CDK14: variants seen among roughly 807,000 people sequenced by gnomAD.
CDK14 encodes cyclin dependent kinase 14, also known as cyclin-dependent kinase 14.
In CDK14, 34 loss-of-function variants were observed where a neutral mutation model predicts 60.7. The ratio of observed to expected loss-of-function variants is 0.56; its 90% CI spans 0.43 to 0.75. The LOEUF (loss-of-function observed/expected upper bound fraction) is 0.75, where lower values mean the gene tolerates loss of function less well. Ranked by LOEUF, CDK14 falls within the 30% of genes least tolerant of loss-of-function variation. The probability of loss-of-function intolerance (pLI) is 0.00; values close to 1 mark genes in which losing one functional copy is unlikely to be tolerated. For synonymous variants in CDK14, 197 were observed against 203.7 expected, an observed-to-expected ratio of 0.97 and a Z score of 0.28; for missense variants, 482 against 564.1, an observed-to-expected ratio of 0.85 and a Z score of 1.47.
intron 2 of CDK14, among the ~76,000 whole-genome samples, chr7:90,629,684 A>G (rs1374509998): frequency 1.3e-5 from 2 of 152,188 alleles, no homozygotes; most frequent in Non-Finnish European, 2.9e-5. Flanking sequence ...TTGAATGTCC[A>G]TGTTGGAGAT....
At chr7:91,091,685 A>AGAAG (rs138061227) in intron 12 of CDK14, among the ~76,000 whole-genome samples, 61 of 140,354 alleles carry the variant, frequency 4.3e-4, no homozygotes, top group East Asian at 2.5e-3. Context: ...AGAGAAAGGG[A>AGAAG]GAAGGAAGGA....
chr7:90,917,642 C>T lies in CDK14; in HGVS notation c.744C>T (p.His248=), dbSNP rs1252555365. 1.2e-6 allele frequency: 2 copies of T among 1,613,610 alleles called. No individual in the cohort carries two copies. Among genetic ancestry groups the T allele is most frequent in the South Asian group, 1.1e-5 (1 of 91,052 alleles). ...TGCTGCGAGGTCTGTCTTACATCCA[C>T]CAGCGTTATATTTTGCACAGAGACC... ...FQLLRGLSYI[H]QRYILHRDLK... The change falls in exon 8 of 15, where the codon CAC becomes CAT. Residue 248 remains histidine, a synonymous_variant. Coordinates refer to ENST00000380050, the MANE Select transcript of CDK14 (RefSeq NM_001287135.2).
In CDK14 at chr7:90,726,822, G is replaced by A; in HGVS notation, c.369+10G>A. ...CTCCAGCCCCAGCTCGGTAAGTGCA[G>A]TCTTTTTGTTTATCACTGGGTAAAC... On this transcript the variant is annotated intron_variant, in intron 3 of 14. Coordinates refer to ENST00000380050, the MANE Select transcript of CDK14 (RefSeq NM_001287135.2). 1 of 1,612,766 alleles carries A rather than the reference G, an allele frequency of 6.2e-7. No individual in the cohort carries two copies. The highest frequency in any genetic ancestry group is 8.5e-7 in the Non-Finnish European group (1 of 1,179,464).
Position 91,118,337 on chromosome 7 carries a change from T to C in CDK14, c.*28+129T>C, listed in dbSNP as rs771242108. 122 of 532,636 alleles carry C rather than the reference T, an allele frequency of 2.3e-4. 1 individual carries two copies. Among genetic ancestry groups the C allele is most frequent in the Middle Eastern group, 5.7e-4 (2 of 3,508 alleles). 33.0% of individuals were successfully genotyped at this position (532,636 alleles called of 1,614,324 possible). ...TCTCTTGTGTGCATTATGGCATTCATCAGACCTATTGAGATAGAATGCACT... is the reference window on the plus strand; with the variant it reads ...TCTCTTGTGTGCATTATGGCATTCACCAGACCTATTGAGATAGAATGCACT... On this transcript the variant is annotated intron_variant, in intron 14 of 14. Transcript: ENST00000380050.
chr7:91,083,178 T>A (rs1295814692), intron 12 of CDK14, among the ~76,000 whole-genome samples: 1 of 152,192 alleles, frequency 6.6e-6, no homozygotes. Context: ...ATTTATTTAG[T>A]GCCTGGAGAC....
chr7:90,963,140 T>C (rs1213181611), intron 9 of CDK14, among the ~76,000 whole-genome samples: 1 of 149,270 alleles, frequency 6.7e-6, no homozygotes, highest in African/African-American at 2.5e-5. Context: ...TTTAGAAATA[T>C]ATAGGCAGGA....
At chr7:90,679,010 T>C (rs6946193) in intron 2 of CDK14, among the ~76,000 whole-genome samples, 130,846 of 152,182 alleles carry the variant, frequency 0.86, 56,549 homozygotes, top group East Asian at 1. Flanking sequence ...AGTGTAGTAG[T>C]GCAAACAAGT....
chr7:90,720,482 T>G (rs1453730627), intron 2 of CDK14, among the ~76,000 whole-genome samples: 6 of 152,328 alleles, frequency 3.9e-5, no homozygotes, highest in South Asian at 2.1e-4. Context: ...TAAGAATGTA[T>G]GTAGCTAAGA....
intron 14 of CDK14, among the ~76,000 whole-genome samples, chr7:91,146,153 AG>A (rs1195016954): frequency 1.3e-5 from 2 of 152,286 alleles, no homozygotes; most frequent in African/African-American, 4.8e-5. Context: ...TACTTTGAAA[AG>A]GGGGCTAAAA....
At chr7:90,773,792 C>T (rs893666779) in intron 4 of CDK14, among the ~76,000 whole-genome samples, 1 of 150,978 alleles carries the variant, frequency 6.6e-6, no homozygotes, top group Non-Finnish European at 1.5e-5. Flanking sequence ...AGAAGTAACA[C>T]TGGCATAGGT....
At chr7:90,689,768 A>G (rs1213278145) in intron 2 of CDK14, among the ~76,000 whole-genome samples, 1 of 152,234 alleles carries the variant, frequency 6.6e-6, no homozygotes, top group Admixed American at 6.5e-5. Context: ...TGACCTCAAA[A>G]TAGCATTTGA....
intron 10 of CDK14, among the ~76,000 whole-genome samples, chr7:91,027,051 T>C (rs933646563): frequency 2.0e-5 from 3 of 152,202 alleles, no homozygotes; most frequent in Non-Finnish European, 4.4e-5. Flanking sequence ...CAAAAACCAC[T>C]GATTAAAGGG....
intron 9 of CDK14, among the ~76,000 whole-genome samples, chr7:90,973,676 A>G (rs1010662116): frequency 1.3e-5 from 2 of 152,132 alleles, no homozygotes; most frequent in African/African-American, 2.4e-5. Flanking sequence ...TGGGGGTGTC[A>G]TCACATATTG....
chr7:91,069,842 G>A (rs1798085895), intron 11 of CDK14, among the ~76,000 whole-genome samples: 2 of 152,116 alleles, frequency 1.3e-5, no homozygotes, highest in South Asian at 2.1e-4. Flanking sequence ...TGTCACTCAG[G>A]CTGGAGTACG....
At chr7:91,198,716 G>A (rs970742652) in intron 14 of CDK14, among the ~76,000 whole-genome samples, 1 of 152,172 alleles carries the variant, frequency 6.6e-6, no homozygotes, top group African/African-American at 2.4e-5. Context: ...TGTTTTGCAT[G>A]TTTCCGCTAA....
intron 11 of CDK14, among the ~76,000 whole-genome samples, chr7:91,058,334 C>A (rs1227048205): frequency 6.6e-6 from 1 of 152,112 alleles, no homozygotes; most frequent in South Asian, 2.1e-4. Context: ...TCTAGATATA[C>A]AATCATGTCA....
chr7:90,977,051 A>G, intron 9 of CDK14, among the ~76,000 whole-genome samples: 1 of 152,060 alleles, frequency 6.6e-6, no homozygotes, highest in East Asian at 1.9e-4. Flanking sequence ...TTCTTCTAGT[A>G]GTTTTACCGT....
At chr7:90,875,388 A>G (rs1483343091) in intron 6 of CDK14, among the ~76,000 whole-genome samples, 1 of 152,132 alleles carries the variant, frequency 6.6e-6, no homozygotes, top group African/African-American at 2.4e-5. Flanking sequence ...GGTATTGCTG[A>G]TCATCTTATA....
chr7:90,675,525 A>G (rs1003384974), intron 2 of CDK14, among the ~76,000 whole-genome samples: 1 of 152,182 alleles, frequency 6.6e-6, no homozygotes, highest in Non-Finnish European at 1.5e-5. Context: ...ATAGGACGGA[A>G]TGTGCTCTAT....
Sources: gnomAD v4.1 joint callset for allele counts (sites outside exome capture counted in the v4.1 genomes callset) on GRCh38, gnomAD v4.1.1 for gene constraint, MANE v1.5 for transcripts, NCBI Gene and HGNC (gene_info 2026-07-23, HGNC 2026-07-21) for gene names.